Variants in SARDH observed in about 807,000 individuals in gnomAD.
SARDH encodes sarcosine dehydrogenase, mitochondrial.
SARDH carries 95 observed loss-of-function variants against 109.1 expected under a neutral mutation model. That is an observed-to-expected ratio of 0.87 (90% CI 0.74 to 1.03). The LOEUF (loss-of-function observed/expected upper bound fraction) is 1.03, where lower values mean the gene tolerates loss of function less well. SARDH is among the 50% of genes least tolerant of loss of function. The pLI, the probability that SARDH is intolerant of heterozygous loss-of-function variation, is 0.00. For synonymous variants in SARDH, 572 were observed against 534.8 expected, an observed-to-expected ratio of 1.07 and a Z score of -0.96; for missense variants, 1,267 against 1,287.8, an observed-to-expected ratio of 0.98 and a Z score of 0.25.
At position 133,666,805 on chromosome 9, in the gene SARDH, C is replaced by T. The variant is rs1286811664; in HGVS notation, c.2561G>A (p.Arg854Lys). 3.7e-6 allele frequency: 6 copies of T among 1,607,886 alleles called. No homozygotes were observed. The highest frequency in any genetic ancestry group is 2.2e-5 in the East Asian group (1 of 44,690). ...GTCGATGGCGAACCCAAAGTCAGCCCTCCGGACATGGCCCACCACTTGGCC... is the reference window on the plus strand; with the variant it reads ...GTCGATGGCGAACCCAAAGTCAGCCTTCCGGACATGGCCCACCACTTGGCC... ...RNGQVVGHVR[R>K]ADFGFAIDKT... Residue 854 changes from arginine (R) to lysine (K), a missense_variant, in exon 20 of 21, where the codon AGG becomes AAG. Coordinates refer to ENST00000439388, the MANE Select transcript of SARDH (RefSeq NM_001134707.2). This position sits in a 1 kb window ranked among gnomAD's most constrained non-coding sequence, Gnocchi z 5.2.
chr9:133,691,215 C>G (rs150541419), intron 15 of SARDH, among the ~76,000 whole-genome samples: 2 of 145,454 alleles, frequency 1.4e-5, no homozygotes, highest in Non-Finnish European at 3.0e-5. Context: ...CACACACACA[C>G]GGCCACTCTC....
chr9:133,666,536 CT>C lies in SARDH; in HGVS notation c.2631+198del, dbSNP rs199865641. On this transcript the variant is annotated intron_variant, in intron 20 of 20. Transcript: ENST00000439388. This position sits in a 1 kb window ranked among gnomAD's most constrained non-coding sequence, Gnocchi z 5.2. Reference sequence around the variant, plus strand: ...CTCCTCCTCCTCCTTCCTCTCTCCCCTTTTTCCTTCCCCCTCCTTCTCCTCC... The same window carrying C: ...CTCCTCCTCCTCCTTCCTCTCTCCCCTTTTCCTTCCCCCTCCTTCTCCTCC... 6.9e-3 allele frequency among the ~76,000 whole-genome samples: 1,046 copies of C among 151,096 alleles called. 16 individuals are homozygous for C. Among genetic ancestry groups the C allele is most frequent in the African/African-American group, 0.023 (961 of 41,088 alleles).
chr9:133,732,369 A>G, intron 3 of SARDH, 54 bp downstream of exon 3: 3 of 505,614 alleles, frequency 5.9e-6, no homozygotes, highest in Non-Finnish European at 1.1e-5. Context: ...CCCCCCAGGG[A>G]GTGCACCCAC....
rs12685900 is a variant in SARDH at position 133,709,358 on chromosome 9, C to T, written c.1329-930G>A. On this transcript the variant is annotated intron_variant, in intron 10 of 20. Transcript: ENST00000439388. The surrounding 1 kb of genome is among the most constrained non-coding windows in gnomAD (Gnocchi z 4.2). Reference sequence around the variant, plus strand: ...GCCACCCGTCCCGAATCCGACAGTGCGGAACTGCTGGCTGGAGTGAGACCC... The same window carrying T: ...GCCACCCGTCCCGAATCCGACAGTGTGGAACTGCTGGCTGGAGTGAGACCC... 0.064 allele frequency among the ~76,000 whole-genome samples: 9,792 copies of T among 152,194 alleles called. 338 individuals carry two copies. Among genetic ancestry groups the T allele is most frequent in the South Asian group, 0.16 (784 of 4,814 alleles).
intron 19 of SARDH, 138 bp downstream of exon 19, chr9:133,670,446 G>T: frequency 1.1e-6 from 1 of 912,952 alleles, no homozygotes; most frequent in South Asian, 1.7e-5. Context: ...GTGGGCTGTT[G>T]GGTGCGTTCT....
At chr9:133,725,583 C>T (rs569451272) in intron 6 of SARDH, 9 of 409,590 alleles carry the variant, frequency 2.2e-5, no homozygotes, top group East Asian at 1.6e-4. Flanking sequence ...GGCTGAGGCA[C>T]GAGAATTGCT....
chr9:133,690,616 A>AAAAC, intron 15 of SARDH, 89 bp from the exon 16 acceptor site: 1 of 1,447,884 alleles, frequency 6.9e-7, no homozygotes, highest in Non-Finnish European at 9.4e-7. Context: ...CCCGGCTGAG[A>AAAAC]AAACAAATGC....
intron 6 of SARDH, among the ~76,000 whole-genome samples, chr9:133,720,205 T>A (rs1832276727): frequency 6.6e-6 from 1 of 151,948 alleles, no homozygotes; most frequent in Non-Finnish European, 1.5e-5. Flanking sequence ...CATGGGTGAA[T>A]CACCTGAGGT....
At position 133,712,953 on chromosome 9, in the gene SARDH, G is replaced by A. The variant is rs905479768; in HGVS notation, c.1237+85C>T. The A allele has an allele frequency of 1.1e-5, 15 of 1,358,022 alleles. No individual in the cohort carries two copies. The highest frequency in any genetic ancestry group is 2.5e-5 in the East Asian group (1 of 40,494). The allele number at this position is 1,358,022 out of a possible 1,614,324, so 84.1% of individuals were successfully genotyped here. On this transcript the variant is annotated intron_variant, in intron 9 of 20. Transcript: ENST00000439388. This position sits in a 1 kb window ranked among gnomAD's most constrained non-coding sequence, Gnocchi z 4.1. ...GTCCCCACCACTGTCGGGGGCCACG[G>A]TGCTCCTGCGCCCGCCTCCCCCAGA...
intron 4 of SARDH, 23 bp from the exon 5 acceptor site, chr9:133,730,210 C>T (rs370815422): frequency 6.0e-5 from 97 of 1,613,534 alleles, no homozygotes; most frequent in Non-Finnish European, 9.3e-6. Flanking sequence ...GGAACTGCTT[C>T]TAAAATCCCA....
chr9:133,664,954 G>A (rs1006526532), intron 20 of SARDH, among the ~76,000 whole-genome samples: 3 of 152,152 alleles, frequency 2.0e-5, no homozygotes, highest in Admixed American at 1.3e-4. Flanking sequence ...AGGCAGAAAC[G>A]CCTTCCCCAT....
intron 15 of SARDH, among the ~76,000 whole-genome samples, chr9:133,691,589 T>G (rs1274282036): frequency 6.6e-6 from 1 of 152,240 alleles, no homozygotes; most frequent in Non-Finnish European, 1.5e-5. Context: ...TGTATCCTTT[T>G]GTAATCTTAC....
At chr9:133,682,732 G>T (rs539381251) in intron 17 of SARDH, among the ~76,000 whole-genome samples, 290 of 102,700 alleles carry the variant, frequency 2.8e-3, no homozygotes, top group South Asian at 0.012. Flanking sequence ...GTTGGAAACT[G>T]CTAGAAGCGA....
At position 133,733,977 on chromosome 9, in the gene SARDH, G is replaced by A. The variant is rs747933738; in HGVS notation, c.197C>T (p.Thr66Met). 162 of 1,612,002 alleles carry A rather than the reference G, an allele frequency of 1.0e-4. No homozygotes were observed. The highest frequency in any genetic ancestry group is 1.3e-4 in the Admixed American group (8 of 59,944). ...TCCACCAATGACCACCACGTTGGCC[G>A]TGCTGGGCAGGGGCCGGCTTGGGCC... ...AQGPSRPLPS[T>M]ANVVVIGGGS... is the part of the protein sequence containing the mutation. The change falls in exon 2 of 21, where the codon ACG (threonine) becomes ATG (methionine). Residue 66 changes from threonine (T) to methionine (M), a missense_variant. By Grantham distance (81) the Thr-to-Met change is moderately conservative (BLOSUM62 -1). Coordinates refer to ENST00000439388, the MANE Select transcript of SARDH (RefSeq NM_001134707.2).
intron 8 of SARDH, among the ~76,000 whole-genome samples, chr9:133,716,850 T>G (rs1172702323): frequency 2.0e-5 from 3 of 152,182 alleles, no homozygotes; most frequent in Admixed American, 2.0e-4. Flanking sequence ...GGCAGTGCTC[T>G]CTGGGAGCGG....
chr9:133,703,407 G>T (rs1278764753), intron 12 of SARDH: 2 of 286,396 alleles, frequency 7.0e-6, no homozygotes, highest in Admixed American at 8.5e-5. Context: ...CAGCCCCTGC[G>T]GGAAGCGTCT....
intron 17 of SARDH, among the ~76,000 whole-genome samples, chr9:133,675,113 G>A (rs1033952674): frequency 6.6e-6 from 1 of 152,138 alleles, no homozygotes; most frequent in Non-Finnish European, 1.5e-5. Flanking sequence ...GGAGACCAAG[G>A]TGGGAGGACC....
At chr9:133,723,660 G>C (rs919368036) in intron 6 of SARDH, among the ~76,000 whole-genome samples, 1 of 152,226 alleles carries the variant, frequency 6.6e-6, no homozygotes, top group Non-Finnish European at 1.5e-5. Context: ...CTACTCGGGA[G>C]GCTGAGGCAG....
chr9:133,698,902 T>TA (rs1831381818), intron 13 of SARDH, among the ~76,000 whole-genome samples: 1 of 151,950 alleles, frequency 6.6e-6, no homozygotes, highest in African/African-American at 2.4e-5. Flanking sequence ...AACAAAAACA[T>TA]AGAGATGAAT....
Sources: gnomAD v4.1 joint callset for allele counts (sites outside exome capture counted in the v4.1 genomes callset) on GRCh38, gnomAD v4.1.1 for gene constraint, Gnocchi (gnomAD v3.1) non-coding constraint, MANE v1.5 for transcripts, NCBI Gene and HGNC (gene_info 2026-07-23, HGNC 2026-07-21) for gene names.